The following EXOC4 variants were observed in gnomAD, a reference collection of about 807,000 sequenced individuals.
EXOC4 encodes exocyst complex component 4.
A neutral mutation model predicts 107.2 loss-of-function variants in EXOC4; 71 were observed. The observed-to-expected ratio is 0.66, with a 90% CI of 0.55 to 0.81. The LOEUF (loss-of-function observed/expected upper bound fraction) is 0.81. Ranked by LOEUF, EXOC4 falls within the 30% of genes least tolerant of loss-of-function variation. The pLI, the probability that EXOC4 is intolerant of heterozygous loss-of-function variation, is 0.00. For missense variants in EXOC4, 1,108 were observed against 1,189.6 expected (o/e 0.93, Z 1.01); for synonymous variants, 456 against 441.2 (o/e 1.03, Z -0.42).
At chr7:133,491,074 C>G (rs1799363833) in intron 9 of EXOC4, among the ~76,000 whole-genome samples, 1 of 152,106 alleles carries the variant, frequency 6.6e-6, no homozygotes, top group African/African-American at 2.4e-5. Flanking sequence ...TTGCAGAGCT[C>G]TGTGTGCTCA....
chr7:133,306,053 G>C lies in EXOC4; in HGVS notation c.648G>C (p.Gly216=), dbSNP rs1218555409. The C allele has an allele frequency of 2.5e-6, 4 of 1,610,614 alleles. No individual in the cohort carries two copies. The highest frequency in any genetic ancestry group is 3.4e-6 in the Non-Finnish European group (4 of 1,178,420). The part of the protein sequence containing the change: ...SRVVQRNKEK[G]KISSLVKDAS... ...TTGTGCAGCGTAACAAGGAAAAAGGGAAAATCAGGTTAAAGAGGCTCTTTG... is the reference window on the plus strand; with the variant it reads ...TTGTGCAGCGTAACAAGGAAAAAGGCAAAATCAGGTTAAAGAGGCTCTTTG... The change falls in exon 4 of 18, where the codon GGG becomes GGC. Residue 216 remains glycine, a synonymous_variant. Coordinates refer to ENST00000253861, the MANE Select transcript of EXOC4 (RefSeq NM_021807.4).
chr7:133,567,563 T>C (rs1800932137), intron 9 of EXOC4, among the ~76,000 whole-genome samples: 3 of 152,180 alleles, frequency 2.0e-5, no homozygotes, highest in Non-Finnish European at 2.9e-5. Context: ...CAAACCGTTA[T>C]ATTCCAGGGT....
chr7:133,932,997 C>CT (rs1800215716), intron 13 of EXOC4, among the ~76,000 whole-genome samples: 1 of 151,712 alleles, frequency 6.6e-6, no homozygotes, highest in Non-Finnish European at 1.5e-5. Context: ...TCCCTGAAAC[C>CT]TTTTGTAATG....
intron 9 of EXOC4, among the ~76,000 whole-genome samples, chr7:133,492,512 A>G (rs905868975): frequency 7.9e-5 from 12 of 152,286 alleles, no homozygotes; most frequent in South Asian, 4.1e-4. Flanking sequence ...CTAATCTTTT[A>G]TCTTTCCCTC....
chr7:133,743,612 G>A (rs1412292108), intron 10 of EXOC4, among the ~76,000 whole-genome samples: 1 of 151,938 alleles, frequency 6.6e-6, no homozygotes, highest in Non-Finnish European at 1.5e-5. Context: ...GATATGTTTG[G>A]AAACTAGATG....
chr7:133,375,615 C>T (rs1251795893), intron 7 of EXOC4, among the ~76,000 whole-genome samples: 1 of 151,962 alleles, frequency 6.6e-6, no homozygotes, highest in African/African-American at 2.4e-5. Context: ...AGGTAAAAAA[C>T]ATTAAAATAT....
intron 7 of EXOC4, 113 bp downstream of exon 7, chr7:133,375,115 G>A: frequency 2.5e-6 from 2 of 803,146 alleles, no homozygotes; most frequent in Non-Finnish European, 1.9e-6. Context: ...CATAAACAGG[G>A]TGAGAAAGTA....
chr7:133,499,146 A>G (rs546896746), intron 9 of EXOC4, among the ~76,000 whole-genome samples: 2 of 150,370 alleles, frequency 1.3e-5, no homozygotes, highest in African/African-American at 4.9e-5. Flanking sequence ...GACCAGGTCA[A>G]CTTCCTTCTT....
At chr7:133,971,689 T>G (rs909882208) in intron 14 of EXOC4, among the ~76,000 whole-genome samples, 15 of 151,782 alleles carry the variant, frequency 9.9e-5, no homozygotes, top group Non-Finnish European at 1.9e-4. Context: ...CAGTGAGGAG[T>G]ACCCCAGGCA....
intron 10 of EXOC4, among the ~76,000 whole-genome samples, chr7:133,779,881 GCAA>G (rs143752680): frequency 2.0e-5 from 3 of 152,104 alleles, no homozygotes; most frequent in Admixed American, 2.0e-4. Flanking sequence ...GCCAGCAGCA[GCAA>G]CATTTATTGT....
At chr7:133,854,408 G>GCACACACACACACACACACACACACA (rs56849407) in intron 11 of EXOC4, among the ~76,000 whole-genome samples, 1 of 139,470 alleles carries the variant, frequency 7.2e-6, no homozygotes, top group African/African-American at 2.7e-5. Flanking sequence ...TGTTGAAAGA[G>GCACACACACACACACACACACACACA]CACACACACA....
intron 5 of EXOC4, among the ~76,000 whole-genome samples, chr7:133,340,818 G>A (rs1440959468): frequency 6.6e-6 from 1 of 151,960 alleles, no homozygotes; most frequent in African/African-American, 2.4e-5. Flanking sequence ...GCTCATAAAG[G>A]TGTTCATAGC....
intron 12 of EXOC4, 98 bp from the exon 13 acceptor site, chr7:133,917,485 A>C: frequency 2.6e-6 from 3 of 1,157,982 alleles, no homozygotes; most frequent in Non-Finnish European, 3.7e-6. Flanking sequence ...AGGAGAGATG[A>C]GTGTGATTTC....
intron 17 of EXOC4, among the ~76,000 whole-genome samples, chr7:134,060,555 T>C (rs1347939663): frequency 1.3e-5 from 2 of 152,210 alleles, no homozygotes; most frequent in African/African-American, 4.8e-5. Context: ...AAGCTTTCAA[T>C]TTCCTGGGGC....
chr7:134,018,717 T>G (rs189524594), intron 17 of EXOC4, among the ~76,000 whole-genome samples: 1 of 152,318 alleles, frequency 6.6e-6, no homozygotes, highest in Non-Finnish European at 1.5e-5. Context: ...ATTCATCTAA[T>G]TTTTATTAAC....
At chr7:134,081,042 T>G in the EXOC4 span, among the ~76,000 whole-genome samples, 1 of 152,076 alleles carries the variant, frequency 6.6e-6, no homozygotes, top group Non-Finnish European at 1.5e-5. Flanking sequence ...CTTGACCACC[T>G]ATTTAAAACA....
chr7:133,760,780 A>G (rs1247611926), intron 10 of EXOC4, among the ~76,000 whole-genome samples: 3 of 152,090 alleles, frequency 2.0e-5, no homozygotes, highest in African/African-American at 7.2e-5. Context: ...TTAATGTCCT[A>G]TCAGGTTGAT....
chr7:133,842,822 A>G lies in EXOC4; in HGVS notation c.1734+25278A>G, dbSNP rs1798049038. 2.0e-5 allele frequency among the ~76,000 whole-genome samples: 3 copies of G among 152,166 alleles called. No homozygotes were observed. In the East Asian group the frequency reaches 5.8e-4, roughly 29 times the overall value. ...TGAGTTGATTTTTGTGTATGGTATA[A>G]ATAACGAAGGGGTCCAGTTTCAATC... On this transcript the variant is annotated intron_variant, in intron 11 of 17. Coordinates refer to ENST00000253861, the MANE Select transcript of EXOC4 (RefSeq NM_021807.4).
intron 11 of EXOC4, among the ~76,000 whole-genome samples, chr7:133,836,233 A>C (rs1183927693): frequency 1.3e-5 from 2 of 152,206 alleles, no homozygotes; most frequent in Non-Finnish European, 2.9e-5. Flanking sequence ...CCCAGCTAGC[A>C]TTGGTATTCT....
Sources: allele counts gnomAD v4.1 joint callset (sites outside exome capture counted in the v4.1 genomes callset), GRCh38; gene constraint gnomAD v4.1.1; transcripts MANE v1.5; gene names NCBI Gene and HGNC (gene_info 2026-07-23, HGNC 2026-07-21).